The following MALRD1 variants were observed in gnomAD, a reference collection of about 807,000 sequenced individuals.
MALRD1 encodes the protein MAM and LDL receptor class A domain containing 1.
Under a neutral mutation model 242.1 loss-of-function variants are expected in MALRD1, and 247 were observed. The ratio of observed to expected loss-of-function variants is 1.02; its 90% CI spans 0.92 to 1.13. The LOEUF (loss-of-function observed/expected upper bound fraction) is 1.13. MALRD1 is among the 50% of genes most tolerant of loss of function. The pLI is 0.00. For missense variants in MALRD1, 2,989 were observed against 2,533.1 expected (o/e 1.18, Z -3.86); for synonymous variants, 995 against 866.6 (o/e 1.15, Z -2.60).
chr10:19,682,319 G>A (rs1842407492), intron 36 of MALRD1, among the ~76,000 whole-genome samples: 2 of 152,168 alleles, frequency 1.3e-5, no homozygotes, highest in Non-Finnish European at 2.9e-5. Flanking sequence ...AGTGAGTAAT[G>A]AATGGGTGTT....
intron 32 of MALRD1, among the ~76,000 whole-genome samples, chr10:19,534,110 T>G (rs1269942040): frequency 6.6e-6 from 1 of 152,202 alleles, no homozygotes; most frequent in African/African-American, 2.4e-5. Flanking sequence ...CTGCTCTGTT[T>G]AAACCCTCAA....
intron 36 of MALRD1, among the ~76,000 whole-genome samples, chr10:19,676,442 A>G (rs926320836): frequency 6.6e-6 from 1 of 152,166 alleles, no homozygotes; most frequent in Non-Finnish European, 1.5e-5. Flanking sequence ...GAATATGAGA[A>G]TTTGGACATA....
intron 21 of MALRD1, among the ~76,000 whole-genome samples, chr10:19,306,104 A>ATACTATATATACTATATACTATATG (rs1564546845): frequency 4.4e-5 from 5 of 113,068 alleles, no homozygotes; most frequent in Non-Finnish European, 8.5e-5. Context: ...TATACTAGAT[A>ATACTATATATACTATATACTATATG]GTATATATAT....
At chr10:19,654,219 A>G (rs16919244) in intron 36 of MALRD1, among the ~76,000 whole-genome samples, 14,740 of 129,120 alleles carry the variant, frequency 0.11, 1,782 homozygotes, top group African/African-American at 0.3. Context: ...AGTGGGAACA[A>G]ACACATTTGA....
At chr10:19,486,597 T>A (rs191987777) in intron 29 of MALRD1, among the ~76,000 whole-genome samples, 26 of 152,308 alleles carry the variant, frequency 1.7e-4, no homozygotes, top group Admixed American at 1.7e-3. Flanking sequence ...ACGCCCGTTT[T>A]AATATTCTTC....
At chr10:19,160,819 C>A (rs1834362103) in intron 12 of MALRD1, among the ~76,000 whole-genome samples, 1 of 112,252 alleles carries the variant, frequency 8.9e-6, no homozygotes, top group African/African-American at 3.5e-5. Context: ...TCCCCTTTAT[C>A]ATTTTTTATT....
chr10:19,173,075 C>G (rs1432946336), intron 13 of MALRD1, among the ~76,000 whole-genome samples: 4 of 151,990 alleles, frequency 2.6e-5, no homozygotes. Context: ...GCTGACCACC[C>G]TTATCACCCA....
At chr10:19,649,415 TTAA>T (rs1231804160) in intron 36 of MALRD1, among the ~76,000 whole-genome samples, 1 of 152,208 alleles carries the variant, frequency 6.6e-6, no homozygotes, top group Non-Finnish European at 1.5e-5. Flanking sequence ...TTTTGACTTT[TTAA>T]TAATAACCAT....
intron 31 of MALRD1, among the ~76,000 whole-genome samples, chr10:19,504,355 C>T (rs1255749179): frequency 1.3e-5 from 2 of 152,120 alleles, no homozygotes; most frequent in South Asian, 2.1e-4. Flanking sequence ...CCTTAACCTT[C>T]GTATTCAGGG....
In MALRD1 at chr10:19,415,116, TTTG is replaced by T. The variant is rs1278283488; in HGVS notation, c.4845+25516_4845+25518del. Among the ~76,000 whole-genome samples, 6 of 152,310 alleles carry T rather than the reference TTTG, an allele frequency of 3.9e-5. No homozygotes were observed. In the South Asian group the frequency reaches 1.2e-3, roughly 32 times the overall value. ...AACAATAGGTATAGAAAACATCTTTTTTGTTGTTGTTTAAACACCAAAACTATA... is the reference window on the plus strand; with the variant it reads ...AACAATAGGTATAGAAAACATCTTTTTTGTTGTTTAAACACCAAAACTATA... On this transcript the variant is annotated intron_variant, in intron 28 of 39. Coordinates refer to ENST00000454679, the MANE Select transcript of MALRD1 (RefSeq NM_001142308.3).
At chr10:19,495,275 C>G (rs1483356755) in intron 30 of MALRD1, among the ~76,000 whole-genome samples, 1 of 151,674 alleles carries the variant, frequency 6.6e-6, no homozygotes, top group African/African-American at 2.4e-5. Flanking sequence ...CCACACCTGG[C>G]CATAATAATC....
chr10:19,073,736 G>A (rs747370897), intron 2 of MALRD1, among the ~76,000 whole-genome samples: 1 of 152,038 alleles, frequency 6.6e-6, no homozygotes, highest in Non-Finnish European at 1.5e-5. Context: ...AGCATTTTAG[G>A]TAAGAGATAC....
At chr10:19,451,526 C>A (rs376193841) in intron 29 of MALRD1, among the ~76,000 whole-genome samples, 51 of 152,256 alleles carry the variant, frequency 3.3e-4, no homozygotes, top group African/African-American at 9.9e-4. Flanking sequence ...CCAAAATAAT[C>A]CTGTGTGAGA....
chr10:19,595,375 C>G lies in MALRD1; in HGVS notation c.5862C>G (p.Cys1954Trp), dbSNP rs1229844033. Reference sequence around the variant, plus strand: ...TCTGTAGTAACATGGAGTTCCCGTGCTCTACAGACGAGTGTATACCTTCCC... The same window carrying G: ...TCTGTAGTAACATGGAGTTCCCGTGGTCTACAGACGAGTGTATACCTTCCC... ...PPLCSNMEFP[C>W]STDECIPSLL... Residue 1954 changes from cysteine to tryptophan, a missense_variant, in exon 34 of 40, where the codon TGC (cysteine) becomes TGG (tryptophan). Cys to Trp is a radical substitution (Grantham distance 215). Coordinates refer to ENST00000454679, the MANE Select transcript of MALRD1 (RefSeq NM_001142308.3). The G allele has an allele frequency of 6.4e-7, 1 of 1,550,558 alleles. No individual in the cohort carries two copies. Among genetic ancestry groups the G allele is most frequent in the African/African-American group, 1.4e-5 (1 of 73,140 alleles).
At chr10:19,696,545 G>T (rs1833386038) in intron 38 of MALRD1, among the ~76,000 whole-genome samples, 1 of 151,966 alleles carries the variant, frequency 6.6e-6, no homozygotes, top group African/African-American at 2.4e-5. Context: ...CTTGATAACA[G>T]CAATTATAGC....
intron 29 of MALRD1, among the ~76,000 whole-genome samples, chr10:19,489,696 G>T (rs1027449441): frequency 1.3e-5 from 2 of 152,040 alleles, no homozygotes; most frequent in African/African-American, 4.8e-5. Flanking sequence ...CATCGGTGGG[G>T]GTTAGTTTTT....
intron 25 of MALRD1, among the ~76,000 whole-genome samples, chr10:19,350,351 A>G (rs1844322190): frequency 1.3e-5 from 2 of 149,174 alleles, no homozygotes; most frequent in African/African-American, 2.5e-5. Context: ...GCTCACTGCA[A>G]CCTCTGCCTC....
At chr10:19,204,134 T>G (rs17721336) in intron 15 of MALRD1, among the ~76,000 whole-genome samples, 174 bp from the exon 16 acceptor site, 4 of 152,082 alleles carry the variant, frequency 2.6e-5, no homozygotes, top group Non-Finnish European at 5.9e-5. Context: ...GAGATGTAGA[T>G]AGTGGTTCAA....
intron 28 of MALRD1, among the ~76,000 whole-genome samples, chr10:19,432,312 A>G (rs1834166080): frequency 6.6e-6 from 1 of 152,164 alleles, no homozygotes; most frequent in Admixed American, 6.5e-5. Flanking sequence ...GTTTAGGAAA[A>G]ACACCCTTTG....
Sources: gnomAD v4.1 joint callset for allele counts (sites outside exome capture counted in the v4.1 genomes callset) on GRCh38, gnomAD v4.1.1 for gene constraint, MANE v1.5 for transcripts, NCBI Gene and HGNC (gene_info 2026-07-23, HGNC 2026-07-21) for gene names.